IL4I1: variants seen among roughly 807,000 people sequenced by gnomAD.
IL4I1 encodes the protein L-amino-acid oxidase.
A neutral mutation model predicts 29.7 loss-of-function variants in IL4I1; 24 were observed. The ratio of observed to expected loss-of-function variants is 0.81; its 90% CI spans 0.59 to 1.14. IL4I1 has a LOEUF of 1.14. Ranked by LOEUF, IL4I1 falls within the 50% of genes most tolerant of loss-of-function variation. IL4I1 has a pLI of 0.00. For missense variants in IL4I1, 686 were observed against 785.6 expected (o/e 0.87, Z 1.52); for synonymous variants, 371 against 352.5 (o/e 1.05, Z -0.59).
chr19:49,920,526 AACCAACCG>A (rs1474432390), intron 2 of IL4I1, among the ~76,000 whole-genome samples: 2 of 152,214 alleles, frequency 1.3e-5, no homozygotes, highest in Non-Finnish European at 2.9e-5. Flanking sequence ...CCACTCAACC[AACCAACCG>A]ACCAACCAAC....
At chr19:49,923,728 T>C (rs539067007) in intron 2 of IL4I1, among the ~76,000 whole-genome samples, 5 of 152,338 alleles carry the variant, frequency 3.3e-5, no homozygotes, top group East Asian at 3.9e-4. Context: ...CAATGGACCA[T>C]CTCATCCCCA....
intron 2 of IL4I1, among the ~76,000 whole-genome samples, chr19:49,914,726 G>GTTTTCTTTTTT (rs2075575701): frequency 1.8e-5 from 1 of 56,362 alleles, no homozygotes; most frequent in Non-Finnish European, 3.2e-5. Flanking sequence ...CCAAGTCCCA[G>GTTTTCTTTTTT]TTTTTTTTTT....
At chr19:49,891,176 C>T in intron 6 of IL4I1, 69 bp from the exon 7 acceptor site, 2 of 1,568,844 alleles carry the variant, frequency 1.3e-6, no homozygotes, top group South Asian at 2.3e-5. Flanking sequence ...CCCTCCGCAG[C>T]TGGGCCTCCT....
intron 2 of IL4I1, chr19:49,908,435 A>G: frequency 6.2e-7 from 1 of 1,614,110 alleles, no homozygotes; most frequent in South Asian, 1.1e-5. Context: ...GGACGTGTTC[A>G]GGTGCTCGAT....
intron 2 of IL4I1, chr19:49,917,846 C>CATGGTGA (rs2075663622): frequency 6.6e-6 from 1 of 152,210 alleles, no homozygotes; most frequent in African/African-American, 2.4e-5. Flanking sequence ...AGCTGACCAA[C>CATGGTGA]ATGGTGAAAC....
intron 2 of IL4I1, among the ~76,000 whole-genome samples, chr19:49,922,708 A>G (rs1335999767): frequency 1.3e-5 from 2 of 150,486 alleles, no homozygotes; most frequent in Admixed American, 1.3e-4. Flanking sequence ...CTTGGATCTC[A>G]CAGAAAAAAA....
chr19:49,920,847 C>A (rs367630519), intron 2 of IL4I1, among the ~76,000 whole-genome samples: 29 of 152,264 alleles, frequency 1.9e-4, no homozygotes, highest in Admixed American at 1.1e-3. Context: ...GGGGGAGGAA[C>A]GGCGCACACC....
intron 2 of IL4I1, among the ~76,000 whole-genome samples, chr19:49,912,635 G>C (rs922658951): frequency 1.3e-5 from 2 of 152,264 alleles, no homozygotes; most frequent in East Asian, 1.9e-4. Flanking sequence ...AGGCTGAGGT[G>C]GGGGGATCGC....
intron 6 of IL4I1, 123 bp downstream of exon 6, chr19:49,891,282 G>T: frequency 1.4e-6 from 2 of 1,401,344 alleles, no homozygotes; most frequent in Non-Finnish European, 2.0e-6. Flanking sequence ...TCCAGCCCCC[G>T]GGTCAGGCAG....
rs779564164 is a variant in IL4I1, at chr19:49,921,541, C to A, written c.-228+6153G>T. Among the ~76,000 whole-genome samples, 27 of 152,228 alleles carry A rather than the reference C, an allele frequency of 1.8e-4. No individual in the cohort carries two copies. The highest frequency in any genetic ancestry group is 3.8e-4 in the Non-Finnish European group (26 of 68,042). Reference sequence around the variant, plus strand: ...CCTGCAGGGAAGAGAGGGGCGTCCGCTGCTCGCCAACCCCCATACGTTCCT... The same window carrying A: ...CCTGCAGGGAAGAGAGGGGCGTCCGATGCTCGCCAACCCCCATACGTTCCT... On this transcript the variant is annotated intron_variant, in intron 2 of 9. Transcript: ENST00000341114. This position sits in a 1 kb window ranked among gnomAD's most constrained non-coding sequence, Gnocchi z 5.4.
At chr19:49,890,932 C>CCA in intron 7 of IL4I1, 39 bp downstream of exon 7, 2 of 412,326 alleles carry the variant, frequency 4.9e-6, no homozygotes, top group Non-Finnish European at 4.0e-6. Flanking sequence ...CCTGATTGCC[C>CCA]CCCGCCCCCC....
At chr19:49,903,824 T>G (rs1376870862) in intron 3 of IL4I1, among the ~76,000 whole-genome samples, 1 of 144,684 alleles carries the variant, frequency 6.9e-6, no homozygotes, top group Non-Finnish European at 1.5e-5. Context: ...CTGTTATATG[T>G]GCTGGGTTTT....
At chr19:49,907,995 G>T in intron 2 of IL4I1, 1 of 754,056 alleles carries the variant, frequency 1.3e-6, no homozygotes, top group Non-Finnish European at 2.1e-6. Flanking sequence ...AGGTGAAAAG[G>T]GGCCAAAGAT....
intron 2 of IL4I1, among the ~76,000 whole-genome samples, chr19:49,919,322 C>A (rs1222182768): frequency 6.6e-6 from 1 of 152,206 alleles, no homozygotes; most frequent in Non-Finnish European, 1.5e-5. Flanking sequence ...ACTTGCTGTG[C>A]GTTTAAACAA....
Position 49,907,378 on chromosome 19 carries a change from C to T in IL4I1, c.-227-3057G>A, listed in dbSNP as rs75368221. 3 of 342,942 alleles carry T rather than the reference C, an allele frequency of 8.7e-6. No individual in the cohort carries two copies. The East Asian group carries it at 3.2e-4, about 36-fold the overall frequency. The allele number at this position is 342,942 out of a possible 1,614,324, so 21.2% of individuals were successfully genotyped here. A position where few individuals can be genotyped will look rare whatever the true frequency, so the allele number is the denominator to read the frequency against. On this transcript the variant is annotated intron_variant, in intron 2 of 9. Coordinates refer to the IL4I1 transcript ENST00000341114. The stretch of plus-strand genomic sequence containing the variant: ...CGCCCATCTGTGGTTCCTCAACACC[C>T]TGTGTGTGCAGGCCCCTCAGCTGAC...
At chr19:49,923,023 G>A (rs2075800816) in intron 2 of IL4I1, among the ~76,000 whole-genome samples, 1 of 152,172 alleles carries the variant, frequency 6.6e-6, no homozygotes, top group African/African-American at 2.4e-5. Context: ...GTGAGTGATG[G>A]CATCCTGGGC....
intron 2 of IL4I1, chr19:49,909,225 G>T (rs2075398386): frequency 6.2e-7 from 1 of 1,613,934 alleles, no homozygotes; most frequent in South Asian, 1.1e-5. Flanking sequence ...GTGGCTGCTG[G>T]CGTGGCCGGA....
chr19:49,891,184 C>T, intron 6 of IL4I1, 77 bp from the exon 7 acceptor site: 1 of 1,562,238 alleles, frequency 6.4e-7, no homozygotes, highest in Non-Finnish European at 8.7e-7. Flanking sequence ...AGCTGGGCCT[C>T]CTGGTCCCAT....
At chr19:49,914,111 G>C (rs573020294) in intron 2 of IL4I1, among the ~76,000 whole-genome samples, 1 of 152,270 alleles carries the variant, frequency 6.6e-6, no homozygotes, top group African/African-American at 2.4e-5. Flanking sequence ...TACTTTCGGA[G>C]GCCAAGGCAG....
Sources: allele counts gnomAD v4.1 joint callset (sites outside exome capture counted in the v4.1 genomes callset), GRCh38; gene constraint gnomAD v4.1.1; non-coding constraint Gnocchi (gnomAD v3.1); transcripts MANE v1.5; gene names NCBI Gene and HGNC (gene_info 2026-07-23, HGNC 2026-07-21).